RABGAP1L: variants seen among roughly 807,000 people sequenced by gnomAD.
RABGAP1L encodes the protein RAB GTPase activating protein 1 like, also known as rab GTPase-activating protein 1-like.
In RABGAP1L, 63 loss-of-function variants were observed where a neutral mutation model predicts 137.7. The observed-to-expected ratio is 0.46, with a 90% CI of 0.37 to 0.56. RABGAP1L has a LOEUF of 0.56. Ranked by LOEUF, RABGAP1L falls within the 20% of genes least tolerant of loss-of-function variation. The pLI is 0.00. For missense variants in RABGAP1L, 1,095 were observed against 1,244.0 expected, an observed-to-expected ratio of 0.88 and a Z score of 1.80; for synonymous variants, 431 against 433.7, an observed-to-expected ratio of 0.99 and a Z score of 0.08.
intron 19 of RABGAP1L, among the ~76,000 whole-genome samples, chr1:174,844,377 A>C (rs1358016913): frequency 1.1e-5 from 1 of 91,482 alleles, no homozygotes; most frequent in Non-Finnish European, 2.3e-5. Flanking sequence ...TTAAATCTTT[A>C]ATCCATCTTG....
chr1:174,589,794 C>A (rs1669415260), intron 13 of RABGAP1L, among the ~76,000 whole-genome samples: 1 of 152,050 alleles, frequency 6.6e-6, no homozygotes, highest in Non-Finnish European at 1.5e-5. Context: ...CTTCTGGATT[C>A]TTTATTCTGT....
intron 13 of RABGAP1L, among the ~76,000 whole-genome samples, chr1:174,418,392 A>G (rs1423837529): frequency 1.8e-4 from 27 of 152,252 alleles, no homozygotes; most frequent in Admixed American, 1.8e-3. Flanking sequence ...AGTTTGGACC[A>G]GTACAATGGT....
At chr1:174,563,836 T>C (rs554369888) in intron 13 of RABGAP1L, among the ~76,000 whole-genome samples, 22 of 152,292 alleles carry the variant, frequency 1.4e-4, no homozygotes, top group African/African-American at 4.6e-4. Flanking sequence ...AGCTGTTGAA[T>C]TGGCATCTAC....
intron 13 of RABGAP1L, among the ~76,000 whole-genome samples, chr1:174,619,554 A>C (rs1440601135): frequency 6.6e-6 from 1 of 152,220 alleles, no homozygotes; most frequent in Non-Finnish European, 1.5e-5. Flanking sequence ...TCATAAGTGA[A>C]GGAGAAATAA....
At chr1:174,963,476 A>G (rs1328520216) in intron 20 of RABGAP1L, among the ~76,000 whole-genome samples, 2 of 152,176 alleles carry the variant, frequency 1.3e-5, no homozygotes, top group Non-Finnish European at 2.9e-5. Flanking sequence ...AGGAACACTA[A>G]GAATTTCTAG....
At chr1:174,476,928 C>T (rs574539147) in intron 13 of RABGAP1L, among the ~76,000 whole-genome samples, 2 of 152,202 alleles carry the variant, frequency 1.3e-5, no homozygotes, top group South Asian at 4.1e-4. Context: ...AGGGCCAGAT[C>T]CTAGTGGCAG....
chr1:174,410,249 A>C (rs1041363932), intron 13 of RABGAP1L, among the ~76,000 whole-genome samples: 3 of 152,116 alleles, frequency 2.0e-5, no homozygotes, highest in Non-Finnish European at 4.4e-5. Flanking sequence ...ACTTACGTTG[A>C]AATATTGGGG....
chr1:174,220,963 T>C lies in RABGAP1L; in HGVS notation c.139-9T>C. ...GAATTGAAACAGAATTGTCTTGCTG[T>C]GTCTGTAGATAGTTTCTAATGGTGA... is the stretch of plus-strand genomic sequence containing the variant. On this transcript the variant is annotated splice_polypyrimidine_tract_variant and intron_variant, in intron 2 of 25. Transcript: ENST00000681986. The C allele has an allele frequency of 6.3e-7, 1 of 1,586,402 alleles. No individual in the cohort carries two copies. The highest frequency in any genetic ancestry group is 8.6e-7 in the Non-Finnish European group (1 of 1,165,578).
At chr1:174,374,089 T>C (rs1218493990) in intron 12 of RABGAP1L, among the ~76,000 whole-genome samples, 1 of 152,208 alleles carries the variant, frequency 6.6e-6, no homozygotes, top group African/African-American at 2.4e-5. Flanking sequence ...AAGTGTACTT[T>C]TATGGTCCAA....
Position 174,989,952 on chromosome 1 carries a change from A to G in RABGAP1L, c.3107A>G (p.Gln1036Arg). 6.5e-7 allele frequency: 1 copy of G among 1,549,668 alleles called. No homozygotes were observed. The highest frequency in any genetic ancestry group is 8.7e-7 in the Non-Finnish European group (1 of 1,145,996). The stretch of plus-strand genomic sequence containing the variant: ...TCTATCAAAACGGCCACGGGCACCC[A>G]GCCATTGCAGCCAGCACCGGTCACC... Reference protein sequence around the residue: ...LNSIKTATGTQPLQPAPVTQP... With the variant: ...LNSIKTATGTRPLQPAPVTQP... Residue 1036 changes from glutamine (Q) to arginine (R), a missense_variant, in exon 26 of 26, where the codon CAG becomes CGG. Physicochemically the swap from Gln to Arg is conservative, Grantham distance 43. Coordinates refer to ENST00000681986, the MANE Select transcript of RABGAP1L (RefSeq NM_001366446.1).
chr1:174,456,353 C>T (rs1028702342), intron 13 of RABGAP1L, among the ~76,000 whole-genome samples: 2 of 151,982 alleles, frequency 1.3e-5, no homozygotes, highest in African/African-American at 2.4e-5. Flanking sequence ...ACACTATAAC[C>T]TTAATGATGA....
Position 174,637,503 on chromosome 1 carries a change from C to T in RABGAP1L, c.1824+15C>T. ...AGATCTGCAAGGTAGGACTCTCTTC[C>T]TCACTTTTTCTAAATTATTTTACAG... On this transcript the variant is annotated intron_variant, in intron 14 of 25. Coordinates refer to ENST00000681986, the MANE Select transcript of RABGAP1L (RefSeq NM_001366446.1). 1 of 1,517,272 alleles carries T rather than the reference C, an allele frequency of 6.6e-7. No individual in the cohort carries two copies. The highest frequency in any genetic ancestry group is 9.1e-7 in the Non-Finnish European group (1 of 1,096,724). 94.0% of individuals were successfully genotyped at this position (1,517,272 alleles called of 1,614,324 possible).
chr1:174,942,267 T>C (rs1366995111), intron 19 of RABGAP1L, among the ~76,000 whole-genome samples: 1 of 152,234 alleles, frequency 6.6e-6, no homozygotes, highest in Non-Finnish European at 1.5e-5. Context: ...ATACTGCTGT[T>C]CGGCCAAATC....
At chr1:174,792,906 G>A (rs1161222693) in intron 18 of RABGAP1L, among the ~76,000 whole-genome samples, 1 of 152,220 alleles carries the variant, frequency 6.6e-6, no homozygotes, top group African/African-American at 2.4e-5. Flanking sequence ...GCCAAGGCGG[G>A]TGGATCATCT....
At chr1:174,196,459 T>G (rs1337338617) in intron 1 of RABGAP1L, among the ~76,000 whole-genome samples, 8 of 151,968 alleles carry the variant, frequency 5.3e-5, no homozygotes, top group Non-Finnish European at 5.9e-5. Flanking sequence ...CTCCTGACCT[T>G]GTGATCCACC....
rs552705173 is a variant in RABGAP1L at position 174,683,857 on chromosome 1, A to C, written c.1899+261A>C. 2.6e-5 allele frequency among the ~76,000 whole-genome samples: 4 copies of C among 152,318 alleles called. No homozygotes were observed. The South Asian group carries it at 8.3e-4, about 32-fold the overall frequency. ...TTTTAACTAGAATCCTCTGGAATTA[A>C]AGAAGTCGGTATAACTGCCCAAATA... On this transcript the variant is annotated intron_variant, in intron 15 of 25. Transcript: ENST00000681986.
intron 13 of RABGAP1L, among the ~76,000 whole-genome samples, chr1:174,610,408 G>T (rs1379711995): frequency 1.3e-5 from 2 of 151,632 alleles, no homozygotes; most frequent in East Asian, 3.9e-4. Context: ...TGGCTGCATA[G>T]TATTCCATGG....
At chr1:174,264,288 C>A (rs944946935) in intron 7 of RABGAP1L, among the ~76,000 whole-genome samples, 3 of 151,742 alleles carry the variant, frequency 2.0e-5, no homozygotes, top group African/African-American at 7.3e-5. Flanking sequence ...AAACTTAATT[C>A]TTTTATAATA....
chr1:174,425,106 G>A (rs962452216), intron 13 of RABGAP1L, among the ~76,000 whole-genome samples: 47 of 151,952 alleles, frequency 3.1e-4, no homozygotes, highest in Admixed American at 2.0e-4. Flanking sequence ...TGGTCATGCC[G>A]AGGTTTTTCA....
Sources: allele counts gnomAD v4.1 joint callset (sites outside exome capture counted in the v4.1 genomes callset), GRCh38; gene constraint gnomAD v4.1.1; transcripts MANE v1.5; gene names NCBI Gene and HGNC (gene_info 2026-07-23, HGNC 2026-07-21).